PDE4D: variants seen among roughly 807,000 people sequenced by gnomAD.
The protein encoded by PDE4D is 3',5'-cyclic-AMP phosphodiesterase 4D.
A neutral mutation model predicts 87.4 loss-of-function variants in PDE4D; 24 were observed. The ratio of observed to expected loss-of-function variants is 0.27; its 90% confidence interval spans 0.20 to 0.39. The LOEUF (loss-of-function observed/expected upper bound fraction) is 0.39. PDE4D is among the 10% of genes least tolerant of loss of function. PDE4D has a pLI of 1.00. For missense variants in PDE4D, 714 were observed against 1,041.0 expected, an observed-to-expected ratio of 0.69 and a Z score of 4.32; for synonymous variants, 384 against 383.2, an observed-to-expected ratio of 1.00 and a Z score of -0.02.
chr5:59,673,453 C>G (rs1016002042), intron 1 of PDE4D, among the ~76,000 whole-genome samples: 1 of 152,202 alleles, frequency 6.6e-6, no homozygotes, highest in East Asian at 1.9e-4. Flanking sequence ...ATACTGTTTA[C>G]AAACCCAATC....
intron 2 of PDE4D, among the ~76,000 whole-genome samples, chr5:60,148,744 T>C (rs886121583): frequency 2.0e-5 from 3 of 152,200 alleles, no homozygotes; most frequent in African/African-American, 7.2e-5. Context: ...GACATACATT[T>C]AGATAATGAA....
At chr5:59,000,100 G>A (rs1750184847) in intron 6 of PDE4D, among the ~76,000 whole-genome samples, 1 of 152,144 alleles carries the variant, frequency 6.6e-6, no homozygotes, top group African/African-American at 2.4e-5. Flanking sequence ...CTCCTCACCC[G>A]ACAAACGCCA....
At chr5:59,771,395 G>A (rs961216865) in intron 1 of PDE4D, among the ~76,000 whole-genome samples, 6 of 148,494 alleles carry the variant, frequency 4.0e-5, no homozygotes, top group African/African-American at 9.9e-5. Context: ...GCGACAGAGC[G>A]AGACTCCATC....
At chr5:59,918,720 G>T (rs1323843998) in intron 3 of PDE4D, among the ~76,000 whole-genome samples, 1 of 152,158 alleles carries the variant, frequency 6.6e-6, no homozygotes, top group Non-Finnish European at 1.5e-5. Context: ...ATAAGTAACA[G>T]CCACCAAGAA....
At chr5:59,649,049 C>T (rs186484426) in intron 1 of PDE4D, among the ~76,000 whole-genome samples, 2 of 152,262 alleles carry the variant, frequency 1.3e-5, no homozygotes, top group East Asian at 1.9e-4. Context: ...TTAAATTCTA[C>T]GATTCTATGA....
chr5:59,995,004 A>G (rs9686377), intron 2 of PDE4D, among the ~76,000 whole-genome samples: 2 of 152,160 alleles, frequency 1.3e-5, no homozygotes, highest in African/African-American at 4.8e-5. Context: ...TATAATAGAC[A>G]GATAATCACC....
chr5:60,049,421 C>T (rs1044980245), intron 2 of PDE4D, among the ~76,000 whole-genome samples: 3 of 152,324 alleles, frequency 2.0e-5, no homozygotes, highest in African/African-American at 7.2e-5. Flanking sequence ...AACTGCGTTC[C>T]TTTGGACGAG....
intron 1 of PDE4D, among the ~76,000 whole-genome samples, chr5:59,513,027 T>C (rs1191583127): frequency 1.3e-5 from 2 of 152,156 alleles, no homozygotes; most frequent in African/African-American, 2.4e-5. Context: ...AATGTGTTCT[T>C]TTTTAAAAAA....
chr5:60,472,158 T>C (rs1302106388), intron 1 of PDE4D, among the ~76,000 whole-genome samples: 1 of 152,196 alleles, frequency 6.6e-6, no homozygotes, highest in Admixed American at 6.5e-5. Context: ...GCTTACTATA[T>C]GTCAGAATGG....
intron 1 of PDE4D, among the ~76,000 whole-genome samples, chr5:59,578,478 A>C (rs1290396875): frequency 6.6e-6 from 1 of 152,188 alleles, no homozygotes; most frequent in Non-Finnish European, 1.5e-5. Flanking sequence ...TCCCTGACAT[A>C]ATACTTTGTG....
At chr5:59,710,605 AACAGTCTGATATTATATTTC>A (rs1335459182) in intron 1 of PDE4D, among the ~76,000 whole-genome samples, 2 of 149,736 alleles carry the variant, frequency 1.3e-5, no homozygotes, top group African/African-American at 5.1e-5. Context: ...AATAGTAAGA[AACAGTCTGATATTATATTTC>A]ACAGTTATCA....
chr5:59,807,395 C>T (rs1465029917), intron 1 of PDE4D, among the ~76,000 whole-genome samples: 1 of 152,152 alleles, frequency 6.6e-6, no homozygotes, highest in Non-Finnish European at 1.5e-5. Flanking sequence ...TTCTAGAGGG[C>T]AGACATGTCA....
chr5:59,886,675 A>C (rs1490693485), intron 1 of PDE4D, among the ~76,000 whole-genome samples: 2 of 152,250 alleles, frequency 1.3e-5, no homozygotes, highest in East Asian at 3.9e-4. Flanking sequence ...GCAATCTAGA[A>C]GGAAGAAGCA....
At chr5:59,357,496 A>G (rs973466714) in intron 1 of PDE4D, among the ~76,000 whole-genome samples, 3 of 150,624 alleles carry the variant, frequency 2.0e-5, no homozygotes, top group African/African-American at 4.9e-5. Flanking sequence ...TCAGTGTGAG[A>G]AAAAAAAACA....
At chr5:60,014,544 A>T (rs775464154) in intron 2 of PDE4D, among the ~76,000 whole-genome samples, 3 of 152,180 alleles carry the variant, frequency 2.0e-5, no homozygotes, top group African/African-American at 4.8e-5. Context: ...TAAAACCCTT[A>T]TAAGTTCCAC....
chr5:59,520,770 A>G lies in PDE4D; in HGVS notation c.456-304802T>C, dbSNP rs531631400. 2.6e-5 allele frequency among the ~76,000 whole-genome samples: 4 copies of G among 152,336 alleles called. No homozygotes were observed. The South Asian group carries it at 8.3e-4, about 32-fold the overall frequency. The stretch of plus-strand genomic sequence containing the variant: ...ATTCTGAAATCCTTACATTTCAACT[A>G]TCAATTCACTGAATAATGTCAATAT... On this transcript the variant is annotated intron_variant, in intron 1 of 14. Coordinates refer to ENST00000340635, the MANE Select transcript of PDE4D (RefSeq NM_001104631.2).
At chr5:60,150,690 A>G (rs1781430810) in intron 2 of PDE4D, among the ~76,000 whole-genome samples, 2 of 152,212 alleles carry the variant, frequency 1.3e-5, no homozygotes, top group African/African-American at 4.8e-5. Flanking sequence ...ACTTTGCAGA[A>G]AATAGATATG....
chr5:60,077,968 G>A (rs1773499793), intron 2 of PDE4D, among the ~76,000 whole-genome samples: 1 of 152,122 alleles, frequency 6.6e-6, no homozygotes, highest in Non-Finnish European at 1.5e-5. Flanking sequence ...CTGCAGCCCA[G>A]CATCTGTGTC....
intron 2 of PDE4D, among the ~76,000 whole-genome samples, chr5:60,053,796 G>A (rs1770475474): frequency 6.6e-6 from 1 of 152,044 alleles, no homozygotes; most frequent in South Asian, 2.1e-4. Flanking sequence ...TCTGACAAAG[G>A]TCTAACATCT....
Sources: gnomAD v4.1 joint callset for allele counts (sites outside exome capture counted in the v4.1 genomes callset) on GRCh38, gnomAD v4.1.1 for gene constraint, MANE v1.5 for transcripts, NCBI Gene and HGNC (gene_info 2026-07-23, HGNC 2026-07-21) for gene names.